Variants in FHIT observed in about 807,000 individuals in gnomAD.
The protein encoded by FHIT is bis(5'-adenosyl)-triphosphatase.
A neutral mutation model predicts 17.9 loss-of-function variants in FHIT; 19 were observed. That is an observed-to-expected ratio of 1.06 (90% confidence interval 0.74 to 1.56). The LOEUF is 1.56. Ranked by LOEUF, FHIT falls within the 40% of genes most tolerant of loss-of-function variation. The probability of loss-of-function intolerance (pLI) is 0.00; values close to 1 mark genes in which losing one functional copy is unlikely to be tolerated. For synonymous variants in FHIT, 81 were observed against 69.7 expected (o/e 1.16, Z -0.81); for missense variants, 248 against 189.2 (o/e 1.31, Z -1.82).
At chr3:60,078,989 C>A (rs1337053266) in intron 5 of FHIT, among the ~76,000 whole-genome samples, 1 of 151,674 alleles carries the variant, frequency 6.6e-6, no homozygotes. Context: ...TGCAGCTGTA[C>A]CATAAAGTGT....
At chr3:60,637,475 G>A (rs1371669778) in intron 4 of FHIT, among the ~76,000 whole-genome samples, 1 of 151,950 alleles carries the variant, frequency 6.6e-6, no homozygotes, top group Non-Finnish European at 1.5e-5. Flanking sequence ...CACTACTACT[G>A]CCTATGTCCA....
intron 5 of FHIT, among the ~76,000 whole-genome samples, chr3:60,360,958 C>T (rs1699882045): frequency 6.6e-6 from 1 of 152,192 alleles, no homozygotes; most frequent in African/African-American, 2.4e-5. Context: ...AAAAAGCCTT[C>T]CGTCCGACCC....
At chr3:61,158,230 T>C (rs1401924763) in intron 2 of FHIT, among the ~76,000 whole-genome samples, 1 of 152,234 alleles carries the variant, frequency 6.6e-6, no homozygotes, top group African/African-American at 2.4e-5. Flanking sequence ...CAAGACTTTT[T>C]ATTAAATGCA....
At chr3:60,039,625 T>C (rs2106825432) in intron 5 of FHIT, among the ~76,000 whole-genome samples, 1 of 152,332 alleles carries the variant, frequency 6.6e-6, no homozygotes, top group Middle Eastern at 3.4e-3. Context: ...CAATTTCTCT[T>C]ATTTTTCTAT....
chr3:59,770,200 G>A (rs1179453427), intron 8 of FHIT, among the ~76,000 whole-genome samples: 1 of 152,148 alleles, frequency 6.6e-6, no homozygotes, highest in Admixed American at 6.5e-5. Context: ...GCTCTTTTTT[G>A]TGGACTATCT....
chr3:60,861,204 T>TATATCATATCATATC lies in FHIT; in HGVS notation c.-110-39194_-110-39193insGATATGATATGATAT, dbSNP rs1553752376. On this transcript the variant is annotated intron_variant, in intron 3 of 9. Transcript: ENST00000492590. ...TATATATGATATATATCATATATGATATATATGATATATATGATATATATG... is the reference window on the plus strand; with the variant it reads ...TATATATGATATATATCATATATGATATATCATATCATATCATATATGATATATATGATATATATG... Among the ~76,000 whole-genome samples, 7 of 784 alleles carry TATATCATATCATATC rather than the reference T, an allele frequency of 8.9e-3. 1 individual carries two copies. Among genetic ancestry groups the TATATCATATCATATC allele is most frequent in the South Asian group, 0.042 (1 of 24 alleles). 0.5% of individuals were successfully genotyped at this position (784 alleles called of 152,430 possible).
chr3:60,490,848 G>A (rs545507934), intron 5 of FHIT, among the ~76,000 whole-genome samples: 1 of 152,096 alleles, frequency 6.6e-6, no homozygotes, highest in African/African-American at 2.4e-5. Flanking sequence ...TACTTTGCAG[G>A]TGAGGATACA....
intron 5 of FHIT, among the ~76,000 whole-genome samples, chr3:60,404,507 G>A (rs1701779391): frequency 6.6e-6 from 1 of 152,086 alleles, no homozygotes; most frequent in African/African-American, 2.4e-5. Flanking sequence ...ACTTCCTCTA[G>A]GTAGGCTTCC....
chr3:60,590,006 A>G (rs1307067328), intron 4 of FHIT, among the ~76,000 whole-genome samples: 1 of 152,104 alleles, frequency 6.6e-6, no homozygotes, highest in African/African-American at 2.4e-5. Context: ...GTGAACAGTG[A>G]TGCCTCCAAG....
chr3:60,157,497 T>C (rs575747193), intron 5 of FHIT, among the ~76,000 whole-genome samples: 4 of 152,136 alleles, frequency 2.6e-5, no homozygotes, highest in Non-Finnish European at 5.9e-5. Context: ...ATAATAATAA[T>C]AGCTCTTGTA....
At chr3:60,020,438 A>C (rs1019107570) in intron 5 of FHIT, among the ~76,000 whole-genome samples, 4 of 152,238 alleles carry the variant, frequency 2.6e-5, no homozygotes, top group Non-Finnish European at 5.9e-5. Flanking sequence ...AGAATATAGA[A>C]GTCACCAAAA....
At chr3:60,291,883 C>T (rs772186239) in intron 5 of FHIT, among the ~76,000 whole-genome samples, 142 of 152,162 alleles carry the variant, frequency 9.3e-4, no homozygotes, top group Non-Finnish European at 1.6e-3. Flanking sequence ...ACTAGAAGCT[C>T]GAAGAGGCAA....
chr3:60,241,852 C>T (rs1348004247), intron 5 of FHIT, among the ~76,000 whole-genome samples: 1 of 152,046 alleles, frequency 6.6e-6, no homozygotes, highest in East Asian at 1.9e-4. Context: ...ACTCTAATTA[C>T]TCTTTATTAT....
chr3:60,027,542 A>C (rs1185710847), intron 5 of FHIT, among the ~76,000 whole-genome samples: 5 of 151,886 alleles, frequency 3.3e-5, no homozygotes, highest in Admixed American at 3.3e-4. Flanking sequence ...CACAGCTAAA[A>C]TAAGTGTCAC....
At chr3:61,047,959 T>C (rs1490997872) in intron 2 of FHIT, among the ~76,000 whole-genome samples, 1 of 150,442 alleles carries the variant, frequency 6.6e-6, no homozygotes, top group Non-Finnish European at 1.5e-5. Flanking sequence ...CCTTACACCT[T>C]ATACAAAAGT....
rs2107009831 is a variant in FHIT at position 61,142,857 on chromosome 3, A to G, written c.-164+57760T>C. The stretch of plus-strand genomic sequence containing the variant: ...AAAGCTAGAAGTCTGACACATAGAA[A>G]GAAAGAAAGGGAAAATATTAACCTA... On this transcript the variant is annotated intron_variant, in intron 2 of 9. Coordinates refer to ENST00000492590, the MANE Select transcript of FHIT (RefSeq NM_002012.4). Among the ~76,000 whole-genome samples the G allele has an allele frequency of 1.3e-5, 2 of 152,260 alleles. 1 individual carries two copies. Among genetic ancestry groups the G allele is most frequent in the South Asian group, 4.1e-4 (2 of 4,824 alleles).
At chr3:60,415,237 A>G (rs113487160) in intron 5 of FHIT, among the ~76,000 whole-genome samples, 222 of 152,288 alleles carry the variant, frequency 1.5e-3, no homozygotes, top group Non-Finnish European at 2.6e-3. Context: ...GCACTTCTTA[A>G]AAGTACTCCC....
intron 2 of FHIT, among the ~76,000 whole-genome samples, chr3:61,186,096 C>T (rs1446607769): frequency 6.6e-6 from 1 of 152,210 alleles, no homozygotes; most frequent in African/African-American, 2.4e-5. Context: ...ACCATCACTA[C>T]TTCTTAAGCA....
intron 3 of FHIT, among the ~76,000 whole-genome samples, chr3:61,024,381 C>G (rs1422447172): frequency 6.6e-6 from 1 of 152,106 alleles, no homozygotes; most frequent in Non-Finnish European, 1.5e-5. Context: ...AAACTTTCTT[C>G]CACTCAACAC....
Sources: gnomAD v4.1 joint callset for allele counts (sites outside exome capture counted in the v4.1 genomes callset) on GRCh38, gnomAD v4.1.1 for gene constraint, MANE v1.5 for transcripts, NCBI Gene and HGNC (gene_info 2026-07-23, HGNC 2026-07-21) for gene names.